ANO3: variants seen among roughly 807,000 people sequenced by gnomAD.
The protein encoded by ANO3 is anoctamin-3.
In ANO3, 99 loss-of-function variants were observed where a neutral mutation model predicts 144.8. The observed-to-expected ratio is 0.68, with a 90% CI of 0.58 to 0.81. The LOEUF is 0.81. ANO3 is among the 30% of genes least tolerant of loss of function. The probability of loss-of-function intolerance (pLI) is 0.00; values close to 1 mark genes in which losing one functional copy is unlikely to be tolerated. For synonymous variants in ANO3, 414 were observed against 392.6 expected (o/e 1.05, Z -0.64); for missense variants, 905 against 1,202.2 (o/e 0.75, Z 3.66).
intron 4 of ANO3, among the ~76,000 whole-genome samples, chr11:26,507,621 T>C (rs529626976): frequency 1.6e-4 from 24 of 152,362 alleles, no homozygotes; most frequent in Admixed American, 3.9e-4. Context: ...TTTGAGTTTT[T>C]AGTATTTATG....
intron 14 of ANO3, among the ~76,000 whole-genome samples, chr11:26,593,166 G>A (rs1485975483): frequency 6.6e-6 from 1 of 152,100 alleles, no homozygotes; most frequent in Non-Finnish European, 1.5e-5. Context: ...CGGAAGTTAG[G>A]AATTCCCTTT....
intron 10 of ANO3, among the ~76,000 whole-genome samples, chr11:26,539,765 A>T (rs936532213): frequency 1.6e-4 from 24 of 152,072 alleles, no homozygotes; most frequent in African/African-American, 5.8e-4. Context: ...AAAATACCTA[A>T]CTCACATTAA....
chr11:26,240,371 C>T (rs1269431454), intron 1 of ANO3, among the ~76,000 whole-genome samples: 1 of 152,096 alleles, frequency 6.6e-6, no homozygotes, highest in African/African-American at 2.4e-5. Context: ...ACCAGTGTTT[C>T]CTCTGATGGC....
At chr11:26,304,319 T>C (rs1854313014) in intron 1 of ANO3, among the ~76,000 whole-genome samples, 1 of 152,170 alleles carries the variant, frequency 6.6e-6, no homozygotes, top group African/African-American at 2.4e-5. Flanking sequence ...TACATAATGC[T>C]TTAAAAGCAT....
chr11:26,286,259 A>G (rs572774473), intron 1 of ANO3: 1 of 152,240 alleles, frequency 6.6e-6, no homozygotes, highest in African/African-American at 2.4e-5. Flanking sequence ...ATTTGTATTC[A>G]GTATACCTTA....
chr11:26,440,505 C>T (rs1464417559), intron 1 of ANO3, among the ~76,000 whole-genome samples: 1 of 151,884 alleles, frequency 6.6e-6, no homozygotes, highest in African/African-American at 2.4e-5. Flanking sequence ...ATAAAGAAGA[C>T]TAGAAGAATA....
intron 1 of ANO3, among the ~76,000 whole-genome samples, chr11:26,340,408 G>A (rs1000612108): frequency 6.6e-6 from 1 of 152,040 alleles, no homozygotes; most frequent in Admixed American, 6.6e-5. Context: ...TTCATTTACT[G>A]CAGCTCATTT....
chr11:26,545,732 TA>T (rs1849770529), intron 11 of ANO3, among the ~76,000 whole-genome samples: 1 of 148,610 alleles, frequency 6.7e-6, no homozygotes, highest in Non-Finnish European at 1.5e-5. Flanking sequence ...AAAAAACAGA[TA>T]AAAACAGAGC....
chr11:26,556,183 G>A (rs974387128), intron 13 of ANO3, among the ~76,000 whole-genome samples: 2 of 151,998 alleles, frequency 1.3e-5, no homozygotes, highest in Admixed American at 6.6e-5. Context: ...AGTGATATTT[G>A]CACACATTTA....
chr11:26,298,608 G>A (rs1854146995), intron 1 of ANO3, among the ~76,000 whole-genome samples: 1 of 152,138 alleles, frequency 6.6e-6, no homozygotes, highest in Non-Finnish European at 1.5e-5. Context: ...TTAAACAAAG[G>A]AGTTGTATTA....
chr11:26,544,867 T>G (rs568245848), intron 11 of ANO3, among the ~76,000 whole-genome samples: 1 of 152,012 alleles, frequency 6.6e-6, no homozygotes, highest in East Asian at 1.9e-4. Context: ...ATAGGAGGAT[T>G]TTTTTTCTTA....
chr11:26,194,439 G>GTGTGTGTGTGTGTAT (rs1851538720), intron 1 of ANO3, among the ~76,000 whole-genome samples: 1 of 60,584 alleles, frequency 1.7e-5, no homozygotes, highest in African/African-American at 6.8e-5. Context: ...GGTACATAGT[G>GTGTGTGTGTGTGTAT]GTGTGTGTGT....
At chr11:26,406,692 TG>T (rs1362445931) in intron 1 of ANO3, among the ~76,000 whole-genome samples, 6 of 145,402 alleles carry the variant, frequency 4.1e-5, no homozygotes, top group Non-Finnish European at 6.2e-5. Context: ...TGTGTGTGTG[TG>T]TGTGTGTGTG....
chr11:26,235,760 AT>A (rs1251261392), intron 1 of ANO3, among the ~76,000 whole-genome samples: 1 of 151,564 alleles, frequency 6.6e-6, no homozygotes, highest in Admixed American at 6.6e-5. Context: ...ATTTTAGACC[AT>A]TTTGTGTCGT....
intron 13 of ANO3, among the ~76,000 whole-genome samples, chr11:26,556,733 AC>A (rs146930782): frequency 0.2 from 29,670 of 152,076 alleles, 2,962 homozygotes; most frequent in South Asian, 0.26. Context: ...TTCAGGTTTT[AC>A]CCTGCCCAAG....
chr11:26,619,344 AC>A (rs1435126583), intron 17 of ANO3, among the ~76,000 whole-genome samples: 1 of 152,208 alleles, frequency 6.6e-6, no homozygotes, highest in African/African-American at 2.4e-5. Flanking sequence ...ATGGGCTAAT[AC>A]AATCAAAATT....
At chr11:26,325,978 T>C (rs1298780642) in intron 1 of ANO3, among the ~76,000 whole-genome samples, 2 of 151,988 alleles carry the variant, frequency 1.3e-5, no homozygotes, top group Non-Finnish European at 2.9e-5. Flanking sequence ...ACAGAGTCTA[T>C]GATCTAGAAT....
chr11:26,547,736 T>G, intron 12 of ANO3, among the ~76,000 whole-genome samples, 186 bp downstream of exon 12: 1 of 152,098 alleles, frequency 6.6e-6, no homozygotes, highest in Non-Finnish European at 1.5e-5. Flanking sequence ...GTCATTTTAA[T>G]ACTTTTATTT....
chr11:26,252,154 C>T (rs1213042500), intron 1 of ANO3, among the ~76,000 whole-genome samples: 1 of 152,114 alleles, frequency 6.6e-6, no homozygotes, highest in Non-Finnish European at 1.5e-5. Context: ...TTAGCCTTGA[C>T]TCCAAAGGAG....
Sources: allele counts gnomAD v4.1 joint callset (sites outside exome capture counted in the v4.1 genomes callset), GRCh38; gene constraint gnomAD v4.1.1; transcripts MANE v1.5; gene names NCBI Gene and HGNC (gene_info 2026-07-23, HGNC 2026-07-21).